Variants in NRP1 observed in about 807,000 individuals in gnomAD.
NRP1 encodes the protein neuropilin-1.
Under a neutral mutation model 106.7 loss-of-function variants are expected in NRP1, and 35 were observed. The ratio of observed to expected loss-of-function variants is 0.33; its 90% CI spans 0.25 to 0.43. NRP1 has a LOEUF of 0.43. NRP1 is among the 20% of genes least tolerant of loss of function. NRP1 has a pLI of 1.00. For missense variants in NRP1, 1,024 were observed against 1,170.4 expected, an observed-to-expected ratio of 0.87 and a Z score of 1.83; for synonymous variants, 437 against 417.9, an observed-to-expected ratio of 1.05 and a Z score of -0.56.
chr10:33,319,584 CTTTCTTTT>C (rs1252989631), intron 2 of NRP1, among the ~76,000 whole-genome samples: 5 of 131,962 alleles, frequency 3.8e-5, no homozygotes, highest in African/African-American at 1.2e-4. Flanking sequence ...TTCTTTCTTT[CTTTCTTTT>C]TTTTTTTTTT....
At chr10:33,291,478 A>T (rs1415131943) in intron 2 of NRP1, among the ~76,000 whole-genome samples, 1 of 152,230 alleles carries the variant, frequency 6.6e-6, no homozygotes, top group Non-Finnish European at 1.5e-5. Context: ...GGGCAAGAAA[A>T]AGAAAGCCAC....
chr10:33,307,427 T>C (rs1588964982), intron 2 of NRP1, among the ~76,000 whole-genome samples: 1 of 152,172 alleles, frequency 6.6e-6, no homozygotes, highest in South Asian at 2.1e-4. Context: ...AAATATTTCC[T>C]ATCTGGCCGT....
At chr10:33,216,283 G>A (rs1024669397) in intron 8 of NRP1, among the ~76,000 whole-genome samples, 45 of 151,588 alleles carry the variant, frequency 3.0e-4, no homozygotes, top group Non-Finnish European at 2.4e-4. Context: ...GACTCCAGGC[G>A]CCTGCCACCA....
At chr10:33,226,083 A>T (rs745548973) in intron 7 of NRP1, 51 bp downstream of exon 7, 4 of 1,582,102 alleles carry the variant, frequency 2.5e-6, no homozygotes, top group East Asian at 4.5e-5. Context: ...GTAAAAATTG[A>T]TCATCCATTT....
intron 4 of NRP1, among the ~76,000 whole-genome samples, chr10:33,261,051 C>A (rs1842540443): frequency 7.0e-6 from 1 of 143,272 alleles, no homozygotes; most frequent in African/African-American, 2.6e-5. Flanking sequence ...AAAAAGAAAG[C>A]TGTTATGCAG....
intron 2 of NRP1, among the ~76,000 whole-genome samples, chr10:33,300,673 A>G (rs949282095): frequency 3.3e-5 from 5 of 152,230 alleles, no homozygotes; most frequent in African/African-American, 1.2e-4. Context: ...GCTCACAGAG[A>G]TAAATGCTTA....
intron 6 of NRP1, among the ~76,000 whole-genome samples, chr10:33,241,445 A>G (rs1841007992): frequency 6.7e-6 from 1 of 150,094 alleles, no homozygotes; most frequent in Non-Finnish European, 1.5e-5. Context: ...GAGGACAAAC[A>G]CAGATGTCAC....
At chr10:33,232,582 T>C (rs1454920662) in intron 6 of NRP1, among the ~76,000 whole-genome samples, 1 of 151,960 alleles carries the variant, frequency 6.6e-6, no homozygotes, top group Non-Finnish European at 1.5e-5. Context: ...TAGGCTATTT[T>C]ACAGAACTTT....
intron 3 of NRP1, among the ~76,000 whole-genome samples, chr10:33,264,899 A>T (rs1036869755): frequency 2.0e-5 from 3 of 152,152 alleles, no homozygotes; most frequent in African/African-American, 7.2e-5. Context: ...ACCTGAGGTC[A>T]GGAGTTCGAG....
chr10:33,307,126 T>A (rs1457137728), intron 2 of NRP1, among the ~76,000 whole-genome samples: 1 of 152,228 alleles, frequency 6.6e-6, no homozygotes, highest in Non-Finnish European at 1.5e-5. Context: ...TAACTAGGAT[T>A]CATGATCCCA....
chr10:33,221,004 G>T (rs764996507), intron 8 of NRP1, among the ~76,000 whole-genome samples: 1 of 152,074 alleles, frequency 6.6e-6, no homozygotes, highest in East Asian at 1.9e-4. Context: ...GCCGAGGTGG[G>T]AGGATAGCTT....
intron 2 of NRP1, among the ~76,000 whole-genome samples, chr10:33,273,095 T>TG (rs1253777751): frequency 2.3e-5 from 1 of 43,970 alleles, no homozygotes; most frequent in Non-Finnish European, 3.8e-5. Flanking sequence ...GGGTGGTGAG[T>TG]GGGGGGTGGG....
intron 2 of NRP1, among the ~76,000 whole-genome samples, chr10:33,313,893 T>C (rs1846800256): frequency 1.3e-5 from 2 of 152,218 alleles, no homozygotes; most frequent in South Asian, 2.1e-4. Flanking sequence ...TTTCATCCCA[T>C]GGAAATGGAA....
At chr10:33,281,197 G>T (rs551049980) in intron 2 of NRP1, among the ~76,000 whole-genome samples, 2 of 151,920 alleles carry the variant, frequency 1.3e-5, no homozygotes, top group Admixed American at 1.3e-4. Context: ...TTACAGGCAA[G>T]CACCACCACA....
rs145764663 is a variant in NRP1 at position 33,204,723 on chromosome 10, G to A, written c.1760-1728C>T. 8.2e-4 allele frequency among the ~76,000 whole-genome samples: 124 copies of A among 152,054 alleles called. 1 individual carries two copies. The East Asian group carries it at 0.024, about 29-fold the overall frequency. On this transcript the variant is annotated intron_variant, in intron 10 of 16. Transcript: ENST00000374867. ...ATTTGAAAATATATTATCTTCTATGGTTCTTTATTTCTTTTTTCTTTTTTT... is the reference window on the plus strand; with the variant it reads ...ATTTGAAAATATATTATCTTCTATGATTCTTTATTTCTTTTTTCTTTTTTT...
chr10:33,263,345 T>G (rs562656536), intron 4 of NRP1, among the ~76,000 whole-genome samples: 1 of 152,334 alleles, frequency 6.6e-6, no homozygotes, highest in African/African-American at 2.4e-5. Context: ...CAAAATAGTT[T>G]AGAGAGAAAA....
intron 2 of NRP1, among the ~76,000 whole-genome samples, chr10:33,301,401 C>G (rs1384526742): frequency 6.6e-6 from 1 of 152,160 alleles, no homozygotes; most frequent in Non-Finnish European, 1.5e-5. Flanking sequence ...CATATGTGAG[C>G]AACTTGTAAA....
chr10:33,321,273 C>T (rs910377377), intron 2 of NRP1, among the ~76,000 whole-genome samples: 14 of 152,188 alleles, frequency 9.2e-5, no homozygotes, highest in African/African-American at 2.7e-4. Context: ...GGTGAGCCAC[C>T]GCGCCTGGCT....
At chr10:33,204,920 C>T (rs1297888515) in intron 10 of NRP1, among the ~76,000 whole-genome samples, 2 of 152,006 alleles carry the variant, frequency 1.3e-5, no homozygotes, top group Non-Finnish European at 2.9e-5. Context: ...TTAGTAGAGA[C>T]AGGATTTCAC....
Sources: allele counts gnomAD v4.1 joint callset (sites outside exome capture counted in the v4.1 genomes callset), GRCh38; gene constraint gnomAD v4.1.1; transcripts MANE v1.5; gene names NCBI Gene and HGNC (gene_info 2026-07-23, HGNC 2026-07-21).